The following SBF2 variants were observed in gnomAD, a reference collection of about 807,000 sequenced individuals.
The protein encoded by SBF2 is SET binding factor 2.
A neutral mutation model predicts 225.2 loss-of-function variants in SBF2; 112 were observed. The observed-to-expected ratio is 0.50, with a 90% CI of 0.43 to 0.58. The LOEUF (loss-of-function observed/expected upper bound fraction) is 0.58, where lower values mean the gene tolerates loss of function less well. Ranked by LOEUF, SBF2 falls within the 20% of genes least tolerant of loss-of-function variation. The pLI, the probability that SBF2 is intolerant of heterozygous loss-of-function variation, is 0.00. For synonymous variants in SBF2, 763 were observed against 773.3 expected (o/e 0.99, Z 0.22); for missense variants, 1,996 against 2,206.2 (o/e 0.90, Z 1.91).
chr11:9,865,500 G>GTCAA (rs1858117987), intron 17 of SBF2, among the ~76,000 whole-genome samples: 1 of 151,872 alleles, frequency 6.6e-6, no homozygotes, highest in South Asian at 2.1e-4. Context: ...GACCAGCCTA[G>GTCAA]TCAACATAGT....
At chr11:9,995,421 T>C (rs1402502981) in intron 9 of SBF2, among the ~76,000 whole-genome samples, 4 of 152,170 alleles carry the variant, frequency 2.6e-5, no homozygotes, top group African/African-American at 9.7e-5. Flanking sequence ...CACTAAAATA[T>C]TGGCAGTTCA....
At chr11:9,788,589 CTTTT>C (rs34787805) in intron 35 of SBF2, among the ~76,000 whole-genome samples, 34 of 122,302 alleles carry the variant, frequency 2.8e-4, no homozygotes, top group Admixed American at 4.1e-4. Context: ...TGGAAAATCA[CTTTT>C]TTTTTTTTTT....
At chr11:9,903,960 G>C (rs1449560351) in intron 16 of SBF2, among the ~76,000 whole-genome samples, 1 of 152,100 alleles carries the variant, frequency 6.6e-6, no homozygotes, top group Non-Finnish European at 1.5e-5. Context: ...TGGACAATCA[G>C]GAAATGGACT....
At position 10,294,111 on chromosome 11, in the gene SBF2, C is replaced by T; in HGVS notation, c.-42G>A. The T allele has an allele frequency of 7.6e-7, 1 of 1,307,736 alleles. No individual in the cohort carries two copies. Among genetic ancestry groups the T allele is most frequent in the Non-Finnish European group, 9.7e-7 (1 of 1,028,080 alleles). 81.0% of individuals were successfully genotyped at this position (1,307,736 alleles called of 1,614,324 possible). A position where few individuals can be genotyped will look rare whatever the true frequency, so the allele number is the denominator to read the frequency against. On this transcript the variant is annotated 5_prime_UTR_variant, in exon 1 of 40. Coordinates refer to ENST00000256190, the MANE Select transcript of SBF2 (RefSeq NM_030962.4). ...CTCGGGAAGCGGGTCCCCGTCGCCG[C>T]CCTCGCCGCCGCCGCCCACCCGGCC...
At chr11:9,780,943 T>G in intron 39 of SBF2, 1 of 297,490 alleles carries the variant, frequency 3.4e-6, no homozygotes, top group Non-Finnish European at 6.5e-6. Context: ...GTTGGAGCCA[T>G]ATTGGAAGCC....
chr11:9,967,945 CTG>C (rs1246243874), intron 14 of SBF2, among the ~76,000 whole-genome samples: 6,824 of 109,116 alleles, frequency 0.063, 170 homozygotes, highest in Middle Eastern at 0.074. Context: ...GTCTGTCTGT[CTG>C]TCTCTCTCTC....
chr11:10,290,604 A>G (rs998537185), intron 1 of SBF2, among the ~76,000 whole-genome samples: 1 of 152,118 alleles, frequency 6.6e-6, no homozygotes, highest in African/African-American at 2.4e-5. Flanking sequence ...GATGGTAGTG[A>G]AGATGGGAGA....
intron 5 of SBF2, 63 bp from the exon 6 acceptor site, chr11:10,028,620 A>G (rs1949135276): frequency 1.8e-6 from 2 of 1,084,830 alleles, no homozygotes; most frequent in Middle Eastern, 2.0e-4. Context: ...TAAAAAATAA[A>G]AATACCTTCG....
intron 16 of SBF2, among the ~76,000 whole-genome samples, chr11:9,951,264 A>T (rs1274683915): frequency 6.6e-6 from 1 of 152,258 alleles, no homozygotes; most frequent in Non-Finnish European, 1.5e-5. Context: ...GGGCCAAGAT[A>T]AGATCAGAAT....
At chr11:10,082,823 G>C (rs891382416) in intron 2 of SBF2, among the ~76,000 whole-genome samples, 3 of 152,036 alleles carry the variant, frequency 2.0e-5, no homozygotes, top group Non-Finnish European at 4.4e-5. Context: ...TAAGAGCTGG[G>C]ACAAGATAAG....
intron 4 of SBF2, among the ~76,000 whole-genome samples, chr11:10,030,313 C>T (rs929788261): frequency 4.6e-5 from 7 of 152,062 alleles, no homozygotes; most frequent in African/African-American, 1.7e-4. Flanking sequence ...AAAACAGAGA[C>T]AAGATTGTAA....
intron 2 of SBF2, among the ~76,000 whole-genome samples, chr11:10,119,085 A>C (rs990593521): frequency 6.8e-6 from 1 of 148,002 alleles, no homozygotes; most frequent in African/African-American, 2.4e-5. Flanking sequence ...TGAAAAAAAC[A>C]GTTTTATAGG....
chr11:9,842,910 T>C, intron 24 of SBF2, 140 bp from the exon 25 acceptor site: 2 of 742,940 alleles, frequency 2.7e-6, no homozygotes, highest in South Asian at 1.8e-5. Context: ...CCTCTCCTTC[T>C]TTAGGTTACT....
At chr11:10,212,787 C>A (rs1371645200) in intron 1 of SBF2, among the ~76,000 whole-genome samples, 1 of 152,202 alleles carries the variant, frequency 6.6e-6, no homozygotes, top group Non-Finnish European at 1.5e-5. Flanking sequence ...CGCGCTGGCT[C>A]ACGCCTGTAA....
chr11:9,828,506 G>T, intron 28 of SBF2: 1 of 985,446 alleles, frequency 1.0e-6, no homozygotes, highest in Non-Finnish European at 1.2e-6. Context: ...GCCACTTTCT[G>T]CTTATGTTGA....
At chr11:10,082,337 A>T (rs575566218) in intron 2 of SBF2, among the ~76,000 whole-genome samples, 1 of 152,346 alleles carries the variant, frequency 6.6e-6, no homozygotes, top group Admixed American at 6.5e-5. Context: ...AAAACTGTTC[A>T]AAAAATTAAT....
intron 1 of SBF2, among the ~76,000 whole-genome samples, chr11:10,274,393 GGTTTT>G (rs200770455): frequency 0.01 from 1,534 of 152,068 alleles, 12 homozygotes; most frequent in Non-Finnish European, 0.017. Context: ...AAAATTACAG[GGTTTT>G]GTTTTATTAA....
intron 1 of SBF2, among the ~76,000 whole-genome samples, chr11:10,228,158 T>G (rs1167377548): frequency 6.6e-6 from 1 of 152,206 alleles, no homozygotes; most frequent in Non-Finnish European, 1.5e-5. Flanking sequence ...TTGTGATTTT[T>G]GCACATTGAT....
intron 17 of SBF2, among the ~76,000 whole-genome samples, chr11:9,861,106 C>G (rs937513710): frequency 2.0e-5 from 3 of 152,158 alleles, no homozygotes; most frequent in African/African-American, 7.2e-5. Flanking sequence ...GTTGAGCATT[C>G]TAAATCTGAA....
Sources: allele counts gnomAD v4.1 joint callset (sites outside exome capture counted in the v4.1 genomes callset), GRCh38; gene constraint gnomAD v4.1.1; transcripts MANE v1.5; gene names NCBI Gene and HGNC (gene_info 2026-07-23, HGNC 2026-07-21).